MMP16: variants seen among roughly 807,000 people sequenced by gnomAD.
The protein encoded by MMP16 is matrix metallopeptidase 16.
Under a neutral mutation model 67.8 loss-of-function variants are expected in MMP16, and 12 were observed. The ratio of observed to expected loss-of-function variants is 0.18; its 90% CI spans 0.11 to 0.29. The LOEUF (loss-of-function observed/expected upper bound fraction) is 0.29. Ranked by LOEUF, MMP16 falls within the 10% of genes least tolerant of loss-of-function variation. MMP16 has a pLI of 1.00. For synonymous variants in MMP16, 249 were observed against 255.9 expected, an observed-to-expected ratio of 0.97 and a Z score of 0.26; for missense variants, 475 against 765.7, an observed-to-expected ratio of 0.62 and a Z score of 4.48.
At chr8:88,229,698 A>AG (rs765997552) in intron 1 of MMP16, among the ~76,000 whole-genome samples, 9 of 144,764 alleles carry the variant, frequency 6.2e-5, no homozygotes, top group Non-Finnish European at 1.4e-4. Context: ...AGTGATTGTT[A>AG]GAAAAAAAAA....
intron 1 of MMP16, among the ~76,000 whole-genome samples, chr8:88,240,468 T>A (rs535536127): frequency 2.3e-4 from 35 of 152,078 alleles, no homozygotes; most frequent in African/African-American, 8.0e-4. Context: ...TGGAGAGGGA[T>A]GAAGGTAGAA....
At chr8:88,164,282 AG>A in intron 4 of MMP16, among the ~76,000 whole-genome samples, 1 of 152,194 alleles carries the variant, frequency 6.6e-6, no homozygotes, top group East Asian at 1.9e-4. Context: ...TAAGTAAGCC[AG>A]GGGGCATTCC....
intron 1 of MMP16, among the ~76,000 whole-genome samples, chr8:88,255,252 A>C (rs931491564): frequency 6.6e-6 from 1 of 152,062 alleles, no homozygotes; most frequent in Admixed American, 6.5e-5. Context: ...CACCTGTTCT[A>C]TCTCTGTCTT....
chr8:88,116,244 A>G lies in MMP16; in HGVS notation c.1083+263T>C, dbSNP rs373205463. 2.6e-5 allele frequency among the ~76,000 whole-genome samples: 4 copies of G among 152,202 alleles called. No homozygotes were observed. The East Asian group carries it at 7.8e-4, about 30-fold the overall frequency. On this transcript the variant is annotated intron_variant, in intron 6 of 9. Coordinates refer to ENST00000286614, the MANE Select transcript of MMP16 (RefSeq NM_005941.5). ...AAATTATGCTATTTTATCTCTTCAT[A>G]ACATGCAGCATTTTTTTTACCCTCA...
At chr8:88,316,989 G>A (rs567973342) in intron 1 of MMP16, among the ~76,000 whole-genome samples, 6 of 152,182 alleles carry the variant, frequency 3.9e-5, no homozygotes, top group Non-Finnish European at 5.9e-5. Flanking sequence ...CTGAATTGCT[G>A]CAATCTCATT....
At chr8:88,234,942 C>T (rs1470106751) in intron 1 of MMP16, among the ~76,000 whole-genome samples, 1 of 152,158 alleles carries the variant, frequency 6.6e-6, no homozygotes, top group Non-Finnish European at 1.5e-5. Flanking sequence ...TTATTAACCC[C>T]AGCGAGGGCT....
At chr8:88,046,806 A>G (rs1456893331) in intron 8 of MMP16, 22 bp from the exon 9 acceptor site, 2 of 1,428,138 alleles carry the variant, frequency 1.4e-6, no homozygotes, top group South Asian at 1.2e-5. Context: ...AAAAACAACA[A>G]CAACAAACAC....
chr8:88,215,272 G>A (rs1331283607), intron 1 of MMP16, among the ~76,000 whole-genome samples: 1 of 151,938 alleles, frequency 6.6e-6, no homozygotes, highest in Non-Finnish European at 1.5e-5. Flanking sequence ...GGAGGTTGCA[G>A]TGAGCTGAGA....
intron 7 of MMP16, among the ~76,000 whole-genome samples, chr8:88,073,219 T>C (rs574741058): frequency 6.6e-6 from 1 of 152,298 alleles, no homozygotes; most frequent in South Asian, 2.1e-4. Context: ...ATTCACAGCC[T>C]TTAGGTGGTA....
chr8:88,129,428 A>C (rs536540220), intron 4 of MMP16, among the ~76,000 whole-genome samples: 1 of 151,710 alleles, frequency 6.6e-6, no homozygotes, highest in Non-Finnish European at 1.5e-5. Flanking sequence ...ACTTATAAAC[A>C]AATTTGTTTT....
At chr8:88,192,793 GAAAAATCTACTTATTCAACCTT>G (rs983582903) in intron 2 of MMP16, among the ~76,000 whole-genome samples, 8 of 152,022 alleles carry the variant, frequency 5.3e-5, no homozygotes, top group African/African-American at 1.4e-4. Context: ...GAAATGACTT[GAAAAATCTACTTATTCAACCTT>G]AAATAAATTT....
chr8:88,122,376 G>A lies in MMP16; in HGVS notation c.710-3515C>T, dbSNP rs148724907. The stretch of plus-strand genomic sequence containing the variant: ...CATGAAGCCTTCTCCAAATTCCCAG[G>A]TCAATTCTGTCCCTCTACATCTGTG... On this transcript the variant is annotated intron_variant, in intron 4 of 9. Coordinates refer to ENST00000286614, the MANE Select transcript of MMP16 (RefSeq NM_005941.5). Among the ~76,000 whole-genome samples, 843 of 151,850 alleles carry A rather than the reference G, an allele frequency of 5.6e-3. 1 individual carries two copies. Among genetic ancestry groups the A allele is most frequent in the Non-Finnish European group, 9.1e-3 (618 of 67,938 alleles).
At chr8:88,268,660 G>T (rs1810517445) in intron 1 of MMP16, among the ~76,000 whole-genome samples, 1 of 152,042 alleles carries the variant, frequency 6.6e-6, no homozygotes, top group Non-Finnish European at 1.5e-5. Flanking sequence ...AAGTCAATTT[G>T]TCCATCACTG....
intron 1 of MMP16, among the ~76,000 whole-genome samples, chr8:88,323,686 T>C (rs1291708851): frequency 6.6e-6 from 1 of 152,022 alleles, no homozygotes; most frequent in Non-Finnish European, 1.5e-5. Flanking sequence ...TTCACATAAG[T>C]AATATCTGAC....
chr8:88,129,640 T>A (rs748438098), intron 4 of MMP16, among the ~76,000 whole-genome samples: 10 of 151,528 alleles, frequency 6.6e-5, no homozygotes, highest in Non-Finnish European at 1.5e-4. Flanking sequence ...TTTTTATTTT[T>A]AGTTTTTCTC....
chr8:88,211,028 T>C (rs892185420), intron 1 of MMP16, among the ~76,000 whole-genome samples: 1 of 152,172 alleles, frequency 6.6e-6, no homozygotes, highest in East Asian at 1.9e-4. Flanking sequence ...GGCTACAGAA[T>C]GAGTAGGCAA....
At chr8:88,151,394 A>C (rs1219539119) in intron 4 of MMP16, among the ~76,000 whole-genome samples, 1 of 150,322 alleles carries the variant, frequency 6.7e-6, no homozygotes, top group Non-Finnish European at 1.5e-5. Context: ...CTCCACCCCA[A>C]ATCAACAGAA....
rs537607212 is a variant in MMP16, at chr8:88,129,853, T to C, written c.710-10992A>G. On this transcript the variant is annotated intron_variant, in intron 4 of 9. Transcript: ENST00000286614. Reference sequence around the variant, plus strand: ...AACAAAAATTGTATATATATATTTCTTTTTTAGCATACTGTGAACCTTATA... The same window carrying C: ...AACAAAAATTGTATATATATATTTCCTTTTTAGCATACTGTGAACCTTATA... 1.3e-3 allele frequency among the ~76,000 whole-genome samples: 192 copies of C among 151,794 alleles called. 1 individual carries two copies. Among genetic ancestry groups the C allele is most frequent in the African/African-American group, 4.5e-3 (185 of 41,524 alleles).
chr8:88,220,694 T>C (rs1168773952), intron 1 of MMP16, among the ~76,000 whole-genome samples: 1 of 152,126 alleles, frequency 6.6e-6, no homozygotes, highest in African/African-American at 2.4e-5. Flanking sequence ...AGAAAAGTGT[T>C]ATCAACAAAA....
Sources: gnomAD v4.1 joint callset for allele counts (sites outside exome capture counted in the v4.1 genomes callset) on GRCh38, gnomAD v4.1.1 for gene constraint, MANE v1.5 for transcripts, NCBI Gene and HGNC (gene_info 2026-07-23, HGNC 2026-07-21) for gene names.